SLIT3: variants seen among roughly 807,000 people sequenced by gnomAD.
The protein encoded by SLIT3 is slit guidance ligand 3, also known as slit homolog 3 protein.
SLIT3 carries 68 observed loss-of-function variants against 184.0 expected under a neutral mutation model. The observed-to-expected ratio is 0.37, with a 90% CI of 0.30 to 0.45. The LOEUF (loss-of-function observed/expected upper bound fraction) is 0.45, where lower values mean the gene tolerates loss of function less well. Among genes scored for constraint, SLIT3 ranks in the 20% least tolerant of loss-of-function variants. The pLI is 1.00. For synonymous variants in SLIT3, 831 were observed against 828.6 expected, an observed-to-expected ratio of 1.00 and a Z score of -0.05; for missense variants, 1,707 against 2,026.0, an observed-to-expected ratio of 0.84 and a Z score of 3.02.
chr5:169,113,315 T>C (rs1311082337), intron 4 of SLIT3, among the ~76,000 whole-genome samples: 2 of 152,222 alleles, frequency 1.3e-5, no homozygotes, highest in Non-Finnish European at 2.9e-5. Context: ...AACGGAATCA[T>C]ATAGTATTTG....
In SLIT3 at chr5:168,767,224, G is replaced by T. The variant is rs186013989; in HGVS notation, c.1460-4535C>A. Among the ~76,000 whole-genome samples, 337 of 152,226 alleles carry T rather than the reference G, an allele frequency of 2.2e-3. 1 individual carries two copies. The highest frequency in any genetic ancestry group is 7.7e-3 in the African/African-American group (320 of 41,518). On this transcript the variant is annotated intron_variant, in intron 14 of 35. Transcript: ENST00000519560. ...CTGAGGGGTAACCTCAGATAGACGAGGTAATAAGAGTCACACCTCATGATG... is the reference window on the plus strand; with the variant it reads ...CTGAGGGGTAACCTCAGATAGACGATGTAATAAGAGTCACACCTCATGATG...
At chr5:168,744,242 T>A (rs978334257) in intron 20 of SLIT3, among the ~76,000 whole-genome samples, 5 of 152,174 alleles carry the variant, frequency 3.3e-5, no homozygotes, top group African/African-American at 1.2e-4. Context: ...TGAGCCGAGA[T>A]TGCGCCACGG....
chr5:168,809,399 G>A (rs1440124646), intron 8 of SLIT3, among the ~76,000 whole-genome samples: 4 of 152,320 alleles, frequency 2.6e-5, no homozygotes, highest in Middle Eastern at 3.4e-3. Context: ...GCCTCTGATA[G>A]CACCCTGGGC....
In SLIT3 at chr5:169,159,558, A is replaced by C. The variant is rs534683464; in HGVS notation, c.413+33921T>G. Among the ~76,000 whole-genome samples the C allele has an allele frequency of 5.3e-5, 8 of 151,078 alleles. No homozygotes were observed. The South Asian group carries it at 1.7e-3, about 32-fold the overall frequency. On this transcript the variant is annotated intron_variant, in intron 4 of 35. Coordinates refer to ENST00000519560, the MANE Select transcript of SLIT3 (RefSeq NM_003062.4). ...TGGGAGGCTGAGGTGGGCGGATCACAAGGTCAGCACATCGAGACCACCCTG... is the reference window on the plus strand; with the variant it reads ...TGGGAGGCTGAGGTGGGCGGATCACCAGGTCAGCACATCGAGACCACCCTG...
intron 18 of SLIT3, chr5:168,752,729 C>T: frequency 1.8e-6 from 1 of 542,640 alleles, no homozygotes; most frequent in Non-Finnish European, 3.3e-6. Flanking sequence ...TGTGGACATG[C>T]TTTCTGTGGC....
In SLIT3 at chr5:168,934,797, T is replaced by C. The variant is rs186574850; in HGVS notation, c.414-51461A>G. Among the ~76,000 whole-genome samples the C allele has an allele frequency of 1.8e-3, 268 of 152,000 alleles. 3 individuals carry two copies. Among genetic ancestry groups the C allele is most frequent in the Middle Eastern group, 6.9e-3 (2 of 290 alleles). ...CACTTATTGTGGGTCAGGCATTATG[T>C]TAAATGCTTTATGCATGTTACCTCA... On this transcript the variant is annotated intron_variant, in intron 4 of 35. Coordinates refer to ENST00000519560, the MANE Select transcript of SLIT3 (RefSeq NM_003062.4).
intron 4 of SLIT3, among the ~76,000 whole-genome samples, chr5:168,904,997 T>C (rs1401935718): frequency 2.0e-5 from 3 of 151,844 alleles, no homozygotes; most frequent in Non-Finnish European, 2.9e-5. Flanking sequence ...TAAAACCCCA[T>C]CTCTACTAAA....
chr5:168,968,460 C>T (rs1237359034), intron 4 of SLIT3, among the ~76,000 whole-genome samples: 2 of 152,208 alleles, frequency 1.3e-5, no homozygotes, highest in African/African-American at 4.8e-5. Context: ...TGTCAACAGT[C>T]TCGCTGCCAA....
At position 168,748,293 on chromosome 5, in the gene SLIT3, G is replaced by A. The variant is rs749867540; in HGVS notation, c.2270+9C>T. 1.4e-6 allele frequency: 2 copies of A among 1,461,446 alleles called. No homozygotes were observed. The highest frequency in any genetic ancestry group is 1.8e-6 in the Non-Finnish European group (2 of 1,108,508). 90.5% of individuals were successfully genotyped at this position (1,461,446 alleles called of 1,614,324 possible). On this transcript the variant is annotated intron_variant, in intron 20 of 35. Coordinates refer to ENST00000519560, the MANE Select transcript of SLIT3 (RefSeq NM_003062.4). ...GACAGGGTGCTTGGAGGCAGCTGGG[G>A]GTACTTACAGCTCGGTCACATCCTT...
chr5:169,232,810 A>G (rs1331910040), intron 3 of SLIT3, among the ~76,000 whole-genome samples: 1 of 152,128 alleles, frequency 6.6e-6, no homozygotes, highest in African/African-American at 2.4e-5. Context: ...TTCCACAACA[A>G]CAAGCTGCTG....
intron 17 of SLIT3, 28 bp from the exon 18 acceptor site, chr5:168,753,126 A>G: frequency 1.2e-6 from 2 of 1,612,412 alleles, no homozygotes; most frequent in Non-Finnish European, 8.5e-7. Context: ...GGGATGAGAG[A>G]GCACAGGCAT....
intron 12 of SLIT3, among the ~76,000 whole-genome samples, chr5:168,781,057 C>T (rs1755952536): frequency 6.6e-6 from 1 of 152,222 alleles, no homozygotes; most frequent in African/African-American, 2.4e-5. Context: ...GACTGCACTG[C>T]TTGTCAATGG....
chr5:169,135,799 C>T (rs1378742747), intron 4 of SLIT3, among the ~76,000 whole-genome samples: 1 of 152,184 alleles, frequency 6.6e-6, no homozygotes, highest in Non-Finnish European at 1.5e-5. Context: ...ATCCTTCTCC[C>T]CACAACCCCT....
intron 4 of SLIT3, among the ~76,000 whole-genome samples, chr5:169,146,181 C>T (rs946173461): frequency 9.9e-5 from 15 of 152,204 alleles, no homozygotes; most frequent in African/African-American, 2.7e-4. Flanking sequence ...AACTGAGGCA[C>T]GGATAGGTTG....
At chr5:168,943,416 C>T (rs1458498315) in intron 4 of SLIT3, among the ~76,000 whole-genome samples, 3 of 152,220 alleles carry the variant, frequency 2.0e-5, no homozygotes, top group African/African-American at 7.2e-5. Context: ...AAATAGTCAA[C>T]TGCCATGAAC....
At chr5:169,092,139 T>C (rs770128500) in intron 4 of SLIT3, among the ~76,000 whole-genome samples, 4 of 152,032 alleles carry the variant, frequency 2.6e-5, no homozygotes, top group Non-Finnish European at 4.4e-5. Context: ...AGGAGAATCG[T>C]TTAAACCCGA....
Position 169,155,960 on chromosome 5 carries a change from C to T in SLIT3, c.413+37519G>A, listed in dbSNP as rs113713940. ...GCTCCATAACAAAATGGATCCGTGACGGGGTAAAGTTGAAAAACACTGAAG... is the reference window on the plus strand; with the variant it reads ...GCTCCATAACAAAATGGATCCGTGATGGGGTAAAGTTGAAAAACACTGAAG... On this transcript the variant is annotated intron_variant, in intron 4 of 35. Coordinates refer to ENST00000519560, the MANE Select transcript of SLIT3 (RefSeq NM_003062.4). 1.4e-3 allele frequency among the ~76,000 whole-genome samples: 207 copies of T among 152,296 alleles called. 1 individual carries two copies. The highest frequency in any genetic ancestry group is 4.4e-3 in the African/African-American group (184 of 41,560).
rs766842561 is a variant in SLIT3, at chr5:168,687,083, G to A, written c.3210C>T (p.Leu1070=). 1.7e-5 allele frequency: 27 copies of A among 1,614,132 alleles called. No individual in the cohort carries two copies. The East Asian group carries it at 6.0e-4, about 36-fold the overall frequency. Residue 1070 remains leucine (L), a synonymous_variant, in exon 30 of 36, where the codon CTC becomes CTT. Coordinates refer to ENST00000519560, the MANE Select transcript of SLIT3 (RefSeq NM_003062.4). ...CACAGTCATCATTGTCTGTCTCACA[G>A]AGCTTCCCGCTGTAGCCAGGGACAC... ...CECVPGYSGK[L]CETDNDDCVA...
chr5:168,969,248 G>A (rs764808593), intron 4 of SLIT3, among the ~76,000 whole-genome samples: 5 of 152,156 alleles, frequency 3.3e-5, no homozygotes, highest in Non-Finnish European at 4.4e-5. Flanking sequence ...AGACACAGTG[G>A]AGGCAGTTAA....
Sources: allele counts gnomAD v4.1 joint callset (sites outside exome capture counted in the v4.1 genomes callset), GRCh38; gene constraint gnomAD v4.1.1; transcripts MANE v1.5; gene names NCBI Gene and HGNC (gene_info 2026-07-23, HGNC 2026-07-21).